The following IMMP2L variants were observed in gnomAD, a reference collection of about 807,000 sequenced individuals.
IMMP2L encodes inner mitochondrial membrane peptidase subunit 2, also known as mitochondrial inner membrane protease subunit 2.
A neutral mutation model predicts 19.3 loss-of-function variants in IMMP2L; 18 were observed. That is an observed-to-expected ratio of 0.93 (90% CI 0.64 to 1.38). The LOEUF (loss-of-function observed/expected upper bound fraction) is 1.38. IMMP2L is among the 40% of genes most tolerant of loss of function. IMMP2L has a pLI of 0.00. For missense variants in IMMP2L, 233 were observed against 218.2 expected, an observed-to-expected ratio of 1.07 and a Z score of -0.43; for synonymous variants, 76 against 73.0, an observed-to-expected ratio of 1.04 and a Z score of -0.21.
rs187402049 is a variant in IMMP2L at position 111,289,121 on chromosome 7, A to G, written c.239+198117T>C. 2.0e-5 allele frequency among the ~76,000 whole-genome samples: 3 copies of G among 152,090 alleles called. No homozygotes were observed. In the East Asian group the frequency reaches 5.8e-4, roughly 29 times the overall value. ...GGATGAGTTCGTGTCCTTTGCAAGG[A>G]CATGGATGACACTGGAAACCATCAT... is the stretch of plus-strand genomic sequence containing the variant. On this transcript the variant is annotated intron_variant, in intron 3 of 5. Transcript: ENST00000405709.
At chr7:111,155,898 A>C (rs557776163) in intron 3 of IMMP2L, among the ~76,000 whole-genome samples, 1 of 152,168 alleles carries the variant, frequency 6.6e-6, no homozygotes, top group African/African-American at 2.4e-5. Flanking sequence ...AAAGTAACAA[A>C]AATTTTAAAC....
intron 3 of IMMP2L, among the ~76,000 whole-genome samples, chr7:110,965,046 A>G (rs556332352): frequency 6.6e-6 from 1 of 152,034 alleles, no homozygotes; most frequent in Non-Finnish European, 1.5e-5. Flanking sequence ...AATATGTGAG[A>G]TAATAAACGT....
chr7:110,863,355 C>T (rs1207003578), intron 5 of IMMP2L, among the ~76,000 whole-genome samples: 2 of 152,130 alleles, frequency 1.3e-5, no homozygotes, highest in Non-Finnish European at 2.9e-5. Flanking sequence ...TGTTTGTTCT[C>T]ATGACACAAA....
At chr7:110,800,689 A>ATTGTG (rs1801177638) in intron 5 of IMMP2L, among the ~76,000 whole-genome samples, 1 of 152,126 alleles carries the variant, frequency 6.6e-6, no homozygotes, top group Non-Finnish European at 1.5e-5. Flanking sequence ...ATATTATCAC[A>ATTGTG]GCATTTTTAT....
intron 3 of IMMP2L, among the ~76,000 whole-genome samples, chr7:110,982,641 T>C (rs1011814394): frequency 6.6e-6 from 1 of 152,118 alleles, no homozygotes; most frequent in Non-Finnish European, 1.5e-5. Context: ...CCACTGTGAC[T>C]GTACAAGTAT....
At chr7:110,950,878 A>C (rs2129554162) in intron 4 of IMMP2L, among the ~76,000 whole-genome samples, 1 of 143,704 alleles carries the variant, frequency 7.0e-6, no homozygotes, top group South Asian at 2.2e-4. Context: ...ATATGTATAT[A>C]TATGCACCAA....
intron 3 of IMMP2L, among the ~76,000 whole-genome samples, chr7:111,463,209 CCT>C (rs1034211771): frequency 6.6e-5 from 10 of 151,780 alleles, no homozygotes; most frequent in African/African-American, 2.2e-4. Context: ...CCCAATTTCC[CCT>C]GTTTATAAAG....
At chr7:110,869,957 G>A (rs1808374973) in intron 5 of IMMP2L, among the ~76,000 whole-genome samples, 2 of 151,970 alleles carry the variant, frequency 1.3e-5, no homozygotes, top group Non-Finnish European at 1.5e-5. Flanking sequence ...ATATCTTGTA[G>A]TCCTGCTATT....
At chr7:111,486,447 T>G (rs1842660964) in intron 3 of IMMP2L, among the ~76,000 whole-genome samples, 1 of 152,104 alleles carries the variant, frequency 6.6e-6, no homozygotes, top group Non-Finnish European at 1.5e-5. Context: ...TGTCTCCAAA[T>G]CAAATGGCAG....
chr7:111,537,527 C>CTTTT (rs5886594), intron 1 of IMMP2L, among the ~76,000 whole-genome samples: 3 of 78,554 alleles, frequency 3.8e-5, no homozygotes, highest in Non-Finnish European at 7.1e-5. Flanking sequence ...ATCACTTCCA[C>CTTTT]TTTTTTTTTT....
At chr7:111,279,960 C>G (rs115541524) in intron 3 of IMMP2L, among the ~76,000 whole-genome samples, 13 of 152,236 alleles carry the variant, frequency 8.5e-5, no homozygotes, top group Admixed American at 3.3e-4. Context: ...TAGTGTCAAC[C>G]TTCTTAGTAG....
chr7:111,314,430 A>C (rs982808100), intron 3 of IMMP2L, among the ~76,000 whole-genome samples: 7 of 152,140 alleles, frequency 4.6e-5, no homozygotes, highest in African/African-American at 1.7e-4. Flanking sequence ...GATTCTATTA[A>C]TATATTGCTC....
At chr7:111,286,934 G>C (rs1331243385) in intron 3 of IMMP2L, among the ~76,000 whole-genome samples, 2 of 152,086 alleles carry the variant, frequency 1.3e-5, no homozygotes, top group Admixed American at 6.6e-5. Flanking sequence ...GAAAACATTT[G>C]ATAAGACACC....
At chr7:111,355,346 T>C (rs956994157) in intron 3 of IMMP2L, among the ~76,000 whole-genome samples, 3 of 151,894 alleles carry the variant, frequency 2.0e-5, no homozygotes, top group South Asian at 4.1e-4. Flanking sequence ...AAATTAATTA[T>C]GAAAATTAGC....
At chr7:110,723,968 A>C (rs1484233438) in intron 5 of IMMP2L, among the ~76,000 whole-genome samples, 1 of 152,148 alleles carries the variant, frequency 6.6e-6, no homozygotes, top group Non-Finnish European at 1.5e-5. Flanking sequence ...GCTTAATAGA[A>C]AGAGCTTATA....
rs559227007 is a variant in IMMP2L, at chr7:111,004,234, A to G, written c.240-40669T>C. On this transcript the variant is annotated intron_variant, in intron 3 of 5. Transcript: ENST00000405709. ...TTATTTAATTCTCTTTTGGAGTGCAATGGCATAATCATAGCTCACTGCAGC... is the reference window on the plus strand; with the variant it reads ...TTATTTAATTCTCTTTTGGAGTGCAGTGGCATAATCATAGCTCACTGCAGC... Among the ~76,000 whole-genome samples the G allele has an allele frequency of 2.8e-4, 42 of 151,980 alleles. 1 individual carries two copies. In the South Asian group the frequency reaches 5.0e-3, roughly 18 times the overall value.
intron 5 of IMMP2L, among the ~76,000 whole-genome samples, chr7:110,805,611 T>C (rs946020725): frequency 6.6e-6 from 1 of 151,980 alleles, no homozygotes; most frequent in African/African-American, 2.4e-5. Flanking sequence ...TTACACTAAC[T>C]GATTAAATTC....
intron 1 of IMMP2L, among the ~76,000 whole-genome samples, chr7:111,550,852 A>T (rs1239970205): frequency 6.6e-6 from 1 of 152,148 alleles, no homozygotes; most frequent in Admixed American, 6.5e-5. Context: ...AAGACAGGGA[A>T]GGAGTCAGGT....
intron 5 of IMMP2L, among the ~76,000 whole-genome samples, chr7:110,862,187 G>A (rs1807501197): frequency 6.6e-6 from 1 of 151,488 alleles, no homozygotes. Flanking sequence ...GATTCAGAAT[G>A]TCTTTAGAGA....
Sources: allele counts gnomAD v4.1 joint callset (sites outside exome capture counted in the v4.1 genomes callset), GRCh38; gene constraint gnomAD v4.1.1; transcripts MANE v1.5; gene names NCBI Gene and HGNC (gene_info 2026-07-23, HGNC 2026-07-21).